The following MBD5 variants were observed in gnomAD, a reference collection of about 807,000 sequenced individuals.
MBD5 encodes methyl-CpG binding domain protein 5, also known as methyl-CpG-binding domain protein 5.
MBD5 carries 13 observed loss-of-function variants against 117.3 expected under a neutral mutation model. The observed-to-expected ratio is 0.11, with a 90% CI of 0.07 to 0.18. The LOEUF (loss-of-function observed/expected upper bound fraction) is 0.18, where lower values mean the gene tolerates loss of function less well. Among genes scored for constraint, MBD5 ranks in the 10% least tolerant of loss-of-function variants. The probability of loss-of-function intolerance (pLI) is 1.00; values close to 1 mark genes in which losing one functional copy is unlikely to be tolerated. For missense variants in MBD5, 1,879 were observed against 2,093.8 expected (o/e 0.90, Z 2.00); for synonymous variants, 727 against 766.4 (o/e 0.95, Z 0.85).
intron 4 of MBD5, among the ~76,000 whole-genome samples, chr2:148,442,555 T>C (rs185383582): frequency 1.3e-5 from 2 of 151,406 alleles, no homozygotes; most frequent in Admixed American, 1.3e-4. Context: ...AGAAAAAGGA[T>C]ATATTAATTA....
intron 3 of MBD5, among the ~76,000 whole-genome samples, chr2:148,255,697 G>A (rs1052012523): frequency 1.3e-5 from 2 of 152,190 alleles, no homozygotes; most frequent in Non-Finnish European, 2.9e-5. Flanking sequence ...GCCTTTCCGT[G>A]GCCATTCATT....
At chr2:148,120,166 G>A (rs932292596) in intron 1 of MBD5, among the ~76,000 whole-genome samples, 1 of 151,972 alleles carries the variant, frequency 6.6e-6, no homozygotes, top group Non-Finnish European at 1.5e-5. Flanking sequence ...CTTTTGCGTC[G>A]GCCTCCTAAA....
At chr2:148,324,304 C>T (rs1702380641) in intron 3 of MBD5, among the ~76,000 whole-genome samples, 1 of 151,906 alleles carries the variant, frequency 6.6e-6, no homozygotes, top group Non-Finnish European at 1.5e-5. Context: ...TCTTTTGGCT[C>T]AGGATTGACT....
chr2:148,373,256 A>G (rs1424071789), intron 4 of MBD5, among the ~76,000 whole-genome samples: 4 of 152,122 alleles, frequency 2.6e-5, no homozygotes, highest in Non-Finnish European at 4.4e-5. Context: ...GATTTTATTT[A>G]TTTAAATTTT....
chr2:148,502,573 A>C, intron 12 of MBD5, 64 bp downstream of exon 12: 1 of 1,470,802 alleles, frequency 6.8e-7, no homozygotes, highest in Non-Finnish European at 9.4e-7. Flanking sequence ...TTTCCATCAA[A>C]GGGACAATGA....
intron 4 of MBD5, among the ~76,000 whole-genome samples, chr2:148,385,772 A>G (rs1402194217): frequency 1.8e-5 from 2 of 110,728 alleles, no homozygotes; most frequent in Non-Finnish European, 3.8e-5. Context: ...ATGGAATACT[A>G]TGCAGCCATA....
chr2:148,415,388 T>C (rs1705386467), intron 4 of MBD5, among the ~76,000 whole-genome samples: 1 of 152,190 alleles, frequency 6.6e-6, no homozygotes, highest in Admixed American at 6.5e-5. Flanking sequence ...TCTCTCTTGC[T>C]GCCTTTAACA....
chr2:148,146,886 A>C (rs74321503), intron 1 of MBD5, among the ~76,000 whole-genome samples: 3,978 of 152,220 alleles, frequency 0.026, 101 homozygotes, highest in African/African-American at 0.067. Flanking sequence ...TGTGACCTCA[A>C]ATATGCTGCC....
chr2:148,101,920 T>C (rs1049188446), intron 1 of MBD5, among the ~76,000 whole-genome samples: 2 of 152,196 alleles, frequency 1.3e-5, no homozygotes, highest in African/African-American at 4.8e-5. Context: ...TGTATATACA[T>C]ACACACACAT....
At chr2:148,037,076 T>G (rs577878274) in intron 1 of MBD5, among the ~76,000 whole-genome samples, 67 of 152,144 alleles carry the variant, frequency 4.4e-4, no homozygotes, top group African/African-American at 1.5e-3. Flanking sequence ...GGTTTTTATG[T>G]AAAGGCAGAA....
intron 3 of MBD5, among the ~76,000 whole-genome samples, chr2:148,324,551 TC>T (rs1702389571): frequency 6.6e-6 from 1 of 152,186 alleles, no homozygotes; most frequent in Non-Finnish European, 1.5e-5. Context: ...GTCCTTCACA[TC>T]CCTTGTAAGT....
chr2:148,313,892 G>A (rs1702093698), intron 3 of MBD5, among the ~76,000 whole-genome samples: 1 of 152,070 alleles, frequency 6.6e-6, no homozygotes, highest in Admixed American at 6.6e-5. Context: ...GGCTAAGGGA[G>A]GGAGTTCTCT....
At chr2:148,166,070 A>G (rs1195728469) in intron 1 of MBD5, among the ~76,000 whole-genome samples, 1 of 152,144 alleles carries the variant, frequency 6.6e-6, no homozygotes, top group Non-Finnish European at 1.5e-5. Context: ...TGTACATCTT[A>G]AAAAACTTGA....
At position 148,473,499 on chromosome 2, in the gene MBD5, G is replaced by A. The variant is rs1392946116; in HGVS notation, c.2518+3038G>A. 2.0e-5 allele frequency among the ~76,000 whole-genome samples: 3 copies of A among 152,104 alleles called. No individual in the cohort carries two copies. In the East Asian group the frequency reaches 5.8e-4, roughly 29 times the overall value. On this transcript the variant is annotated intron_variant, in intron 8 of 13. Coordinates refer to ENST00000642680, the MANE Select transcript of MBD5 (RefSeq NM_001378120.1). ...CTCAGGTGACCTCTTGCTCAATCCA[G>A]TGCCTTTTTCCACTCTTCTAAGTAA...
chr2:148,074,071 C>CTTTTGTA (rs1032493062), intron 1 of MBD5, among the ~76,000 whole-genome samples: 12 of 151,476 alleles, frequency 7.9e-5, no homozygotes, highest in Non-Finnish European at 5.9e-5. Context: ...ATCAATAAAA[C>CTTTTGTA]TTTTGTATTT....
Position 148,474,678 on chromosome 2 carries a change from T to C in MBD5, c.2518+4217T>C, listed in dbSNP as rs193088372. ...CTTAAAGATATACATGACAAGAATA[T>C]AAATAAGCCTACAAATAAATAAATG... On this transcript the variant is annotated intron_variant, in intron 8 of 13. Transcript: ENST00000642680. Among the ~76,000 whole-genome samples the C allele has an allele frequency of 2.0e-3, 308 of 152,240 alleles. No individual in the cohort carries two copies. In the Middle Eastern group the frequency reaches 0.034, roughly 17 times the overall value.
intron 1 of MBD5, among the ~76,000 whole-genome samples, chr2:148,156,778 A>T (rs894616320): frequency 3.3e-5 from 5 of 152,242 alleles, no homozygotes; most frequent in Non-Finnish European, 5.9e-5. Context: ...ATAATTATTT[A>T]TAGGAAATAA....
intron 1 of MBD5, among the ~76,000 whole-genome samples, chr2:148,147,299 G>A (rs1697491791): frequency 6.6e-6 from 1 of 151,410 alleles, no homozygotes; most frequent in African/African-American, 2.4e-5. Flanking sequence ...CTGGAGTGCA[G>A]TGGGACGATC....
chr2:148,266,196 T>C (rs1386999237), intron 3 of MBD5, among the ~76,000 whole-genome samples: 1 of 152,144 alleles, frequency 6.6e-6, no homozygotes, highest in Non-Finnish European at 1.5e-5. Context: ...CCTGACCACG[T>C]AGGCTTTATT....
Sources: gnomAD v4.1 joint callset for allele counts (sites outside exome capture counted in the v4.1 genomes callset) on GRCh38, gnomAD v4.1.1 for gene constraint, MANE v1.5 for transcripts, NCBI Gene and HGNC (gene_info 2026-07-23, HGNC 2026-07-21) for gene names.